Variants in LRP1B observed in about 807,000 individuals in gnomAD.
The protein encoded by LRP1B is low-density lipoprotein receptor-related protein 1B.
A neutral mutation model predicts 556.6 loss-of-function variants in LRP1B; 217 were observed. The ratio of observed to expected loss-of-function variants is 0.39; its 90% confidence interval spans 0.35 to 0.44. The LOEUF (loss-of-function observed/expected upper bound fraction) is 0.44, where lower values mean the gene tolerates loss of function less well. Among genes scored for constraint, LRP1B ranks in the 20% least tolerant of loss-of-function variants. LRP1B has a pLI of 1.00. For synonymous variants in LRP1B, 2,047 were observed against 1,865.8 expected (o/e 1.10, Z -2.50); for missense variants, 5,053 against 5,620.8 (o/e 0.90, Z 3.23).
At chr2:141,313,792 T>G (rs1686898346) in intron 3 of LRP1B, among the ~76,000 whole-genome samples, 1 of 152,168 alleles carries the variant, frequency 6.6e-6, no homozygotes, top group Non-Finnish European at 1.5e-5. Context: ...TTTGAGCAAC[T>G]TCCCTGAATC....
chr2:142,009,869 G>A (rs1702901840), intron 1 of LRP1B, among the ~76,000 whole-genome samples: 1 of 151,892 alleles, frequency 6.6e-6, no homozygotes, highest in Non-Finnish European at 1.5e-5. Flanking sequence ...ATGTACACAA[G>A]TGTATGGATA....
chr2:140,332,515 T>C (rs1243210158), intron 79 of LRP1B, among the ~76,000 whole-genome samples: 1 of 152,092 alleles, frequency 6.6e-6, no homozygotes. Context: ...TCACTGGTGC[T>C]TTTGTAGTGA....
At chr2:141,316,029 C>A (rs1387736083) in intron 3 of LRP1B, among the ~76,000 whole-genome samples, 1 of 150,890 alleles carries the variant, frequency 6.6e-6, no homozygotes, top group Non-Finnish European at 1.5e-5. Context: ...GTAACAAATT[C>A]TAAACGTATT....
At chr2:141,039,831 G>T (rs1441346910) in intron 11 of LRP1B, among the ~76,000 whole-genome samples, 1 of 151,866 alleles carries the variant, frequency 6.6e-6, no homozygotes, top group Admixed American at 6.6e-5. Context: ...CTACTTTTCA[G>T]ACAAAAATAC....
At chr2:140,514,361 T>C (rs892830386) in intron 51 of LRP1B, among the ~76,000 whole-genome samples, 1 of 151,938 alleles carries the variant, frequency 6.6e-6, no homozygotes, top group Non-Finnish European at 1.5e-5. Context: ...GACCCTGTAA[T>C]CTCAATCATT....
At chr2:140,734,380 T>C (rs1687878269) in intron 35 of LRP1B, among the ~76,000 whole-genome samples, 2 of 152,280 alleles carry the variant, frequency 1.3e-5, no homozygotes, top group Non-Finnish European at 2.9e-5. Context: ...TTCATTAGAA[T>C]ATGAGGAGAA....
In LRP1B at chr2:140,700,485, A is replaced by G; in HGVS notation, c.6564T>C (p.Tyr2188=). Reference sequence around the variant, plus strand: ...ATATTGTTCTTCCTGAATACAGTAAATAGCCTTCATGCCTCAGGCAAGTAA... The same window carrying G: ...ATATTGTTCTTCCTGAATACAGTAAGTAGCCTTCATGCCTCAGGCAAGTAA... The part of the protein sequence containing the change: ...DGVTCLRHEG[Y]LLYSGRTILK... Residue 2188 remains tyrosine, a synonymous_variant, in exon 41 of 91, where the codon TAT becomes TAC. Coordinates refer to ENST00000389484, the MANE Select transcript of LRP1B (RefSeq NM_018557.3). 1 of 1,613,522 alleles carries G rather than the reference A, an allele frequency of 6.2e-7. No homozygotes were observed. The highest frequency in any genetic ancestry group is 8.5e-7 in the Non-Finnish European group (1 of 1,179,670).
intron 2 of LRP1B, among the ~76,000 whole-genome samples, chr2:141,676,440 C>A (rs1396601236): frequency 6.6e-6 from 1 of 152,114 alleles, no homozygotes; most frequent in Non-Finnish European, 1.5e-5. Flanking sequence ...CCATGTAAAT[C>A]ATCTCTCCCA....
At chr2:141,847,910 T>C (rs939664158) in intron 1 of LRP1B, among the ~76,000 whole-genome samples, 9 of 151,490 alleles carry the variant, frequency 5.9e-5, no homozygotes, top group Non-Finnish European at 4.4e-5. Flanking sequence ...AATGACAAAT[T>C]GGGAAAGATA....
At chr2:141,040,856 C>G (rs1280508168) in intron 11 of LRP1B, among the ~76,000 whole-genome samples, 1 of 152,018 alleles carries the variant, frequency 6.6e-6, no homozygotes, top group African/African-American at 2.4e-5. Context: ...TAGCACTGTC[C>G]TTTCATAGTA....
At chr2:140,263,500 C>T (rs903527072) in intron 86 of LRP1B, among the ~76,000 whole-genome samples, 5 of 152,198 alleles carry the variant, frequency 3.3e-5, no homozygotes, top group South Asian at 4.2e-4. Context: ...TCTTCAATTT[C>T]GCTTAACAAT....
chr2:140,811,333 A>G (rs774936174), intron 32 of LRP1B, among the ~76,000 whole-genome samples: 15 of 152,010 alleles, frequency 9.9e-5, no homozygotes, highest in Non-Finnish European at 1.8e-4. Context: ...TTTTGATACT[A>G]TATTTACAGC....
chr2:141,486,513 T>C (rs1683127251), intron 2 of LRP1B, among the ~76,000 whole-genome samples: 1 of 152,156 alleles, frequency 6.6e-6, no homozygotes, highest in African/African-American at 2.4e-5. Flanking sequence ...TCTTCTACTC[T>C]AATGGCAGAC....
chr2:140,746,877 G>GA (rs1206160833), intron 35 of LRP1B, among the ~76,000 whole-genome samples: 7 of 148,046 alleles, frequency 4.7e-5, no homozygotes, highest in East Asian at 2.0e-4. Flanking sequence ...TACCAAGAAG[G>GA]AAAAAAAAAT....
chr2:140,601,824 A>G (rs1162478846), intron 41 of LRP1B, among the ~76,000 whole-genome samples, 185 bp from the exon 42 acceptor site: 1 of 152,114 alleles, frequency 6.6e-6, no homozygotes, highest in Non-Finnish European at 1.5e-5. Context: ...TACATATATA[A>G]TGGGAGCAAT....
chr2:140,918,871 A>G (rs924211410), intron 21 of LRP1B, among the ~76,000 whole-genome samples: 1 of 152,014 alleles, frequency 6.6e-6, no homozygotes, highest in African/African-American at 2.4e-5. Flanking sequence ...ACTGTGAGAA[A>G]TAAATGTTTG....
chr2:140,429,854 CA>C (rs1403599329), intron 66 of LRP1B, among the ~76,000 whole-genome samples: 1 of 152,182 alleles, frequency 6.6e-6, no homozygotes, highest in Non-Finnish European at 1.5e-5. Flanking sequence ...TCACTCTTTA[CA>C]GTTCTCACAA....
intron 44 of LRP1B, 34 bp downstream of exon 44, chr2:140,541,745 T>C (rs2105019539): frequency 6.6e-7 from 1 of 1,507,638 alleles, no homozygotes; most frequent in Non-Finnish European, 9.1e-7. Context: ...GATTATACAA[T>C]GAAAAAACAC....
rs183590241 is a variant in LRP1B at position 141,966,978 on chromosome 2, G to A, written c.83-156577C>T. On this transcript the variant is annotated intron_variant, in intron 1 of 90. Coordinates refer to ENST00000389484, the MANE Select transcript of LRP1B (RefSeq NM_018557.3). ...AGTTTCCCTAAGTCAAGTCTATAAC[G>A]TCCTGTGGACAATCATTCCCATTTT... is the stretch of plus-strand genomic sequence containing the variant. 6.1e-4 allele frequency among the ~76,000 whole-genome samples: 92 copies of A among 151,832 alleles called. 1 individual carries two copies. Among genetic ancestry groups the A allele is most frequent in the African/African-American group, 1.9e-3 (77 of 41,456 alleles).
Sources: gnomAD v4.1 joint callset for allele counts (sites outside exome capture counted in the v4.1 genomes callset) on GRCh38, gnomAD v4.1.1 for gene constraint, MANE v1.5 for transcripts, NCBI Gene and HGNC (gene_info 2026-07-23, HGNC 2026-07-21) for gene names.